The following ADAMTS2 variants were observed in gnomAD, a reference collection of about 807,000 sequenced individuals.
The protein encoded by ADAMTS2 is A disintegrin and metalloproteinase with thrombospondin motifs 2.
ADAMTS2 carries 50 observed loss-of-function variants against 123.0 expected under a neutral mutation model. That is an observed-to-expected ratio of 0.41 (90% CI 0.32 to 0.51). ADAMTS2 has a LOEUF of 0.51. Among genes scored for constraint, ADAMTS2 ranks in the 20% least tolerant of loss-of-function variants. ADAMTS2 has a pLI of 0.35. For synonymous variants in ADAMTS2, 678 were observed against 695.4 expected, an observed-to-expected ratio of 0.98 and a Z score of 0.39; for missense variants, 1,494 against 1,705.2, an observed-to-expected ratio of 0.88 and a Z score of 2.18.
At chr5:179,306,473 A>G (rs1029243649) in intron 2 of ADAMTS2, among the ~76,000 whole-genome samples, 1 of 152,242 alleles carries the variant, frequency 6.6e-6, no homozygotes, top group African/African-American at 2.4e-5. Flanking sequence ...CCTGGTAAGA[A>G]TATCTACAAA....
intron 2 of ADAMTS2, among the ~76,000 whole-genome samples, chr5:179,319,081 C>A (rs752515365): frequency 6.6e-5 from 10 of 152,194 alleles, no homozygotes; most frequent in Admixed American, 3.3e-4. Context: ...CATGCATGTG[C>A]ACTCATGCAC....
chr5:179,263,829 C>G (rs552886456), intron 3 of ADAMTS2, among the ~76,000 whole-genome samples: 1 of 152,374 alleles, frequency 6.6e-6, no homozygotes, highest in African/African-American at 2.4e-5. Flanking sequence ...ACTGCGCGAC[C>G]TTTCCCCGCT....
At chr5:179,223,647 TAC>T (rs1765198157) in intron 3 of ADAMTS2, among the ~76,000 whole-genome samples, 2 of 23,350 alleles carry the variant, frequency 8.6e-5, no homozygotes, top group African/African-American at 1.3e-4. Flanking sequence ...CACACACACA[TAC>T]ACTCACAGAC....
chr5:179,304,186 C>A (rs1390734044), intron 2 of ADAMTS2, among the ~76,000 whole-genome samples: 2 of 152,170 alleles, frequency 1.3e-5, no homozygotes, highest in African/African-American at 2.4e-5. Flanking sequence ...AGCCGGAACC[C>A]AATTAACCCA....
intron 10 of ADAMTS2, among the ~76,000 whole-genome samples, chr5:179,143,761 G>A (rs1197331861): frequency 6.6e-6 from 1 of 151,824 alleles, no homozygotes; most frequent in Non-Finnish European, 1.5e-5. Flanking sequence ...TGTGTGACAA[G>A]GAGCTTTTTG....
rs149318622 is a variant in ADAMTS2 at position 179,186,308 on chromosome 5, G to A, written c.892-5153C>T. Among the ~76,000 whole-genome samples the A allele has an allele frequency of 4.7e-3, 722 of 152,320 alleles. 4 individuals are homozygous for A. The Middle Eastern group carries it at 0.054, about 11-fold the overall frequency. On this transcript the variant is annotated intron_variant, in intron 4 of 21. Transcript: ENST00000251582. Reference sequence around the variant, plus strand: ...CTGCCCCTGCGTGTGCTATGGCAAAGTCCAACCCACAGTCCGGGGCCGGGC... The same window carrying A: ...CTGCCCCTGCGTGTGCTATGGCAAAATCCAACCCACAGTCCGGGGCCGGGC...
chr5:179,149,841 GGCTGA>G (rs1457094879), intron 10 of ADAMTS2, among the ~76,000 whole-genome samples: 2 of 152,182 alleles, frequency 1.3e-5, no homozygotes, highest in African/African-American at 4.8e-5. Flanking sequence ...AACCAGGGGA[GGCTGA>G]GCAGAGCCCC....
chr5:179,285,346 C>T lies in ADAMTS2; in HGVS notation c.535-12282G>A, dbSNP rs413912. Among the ~76,000 whole-genome samples the T allele has an allele frequency of 1.3e-5, 2 of 152,132 alleles. No homozygotes were observed. The highest frequency in any genetic ancestry group is 6.5e-5 in the Admixed American group (1 of 15,276). ...GGGGAAAATGGAATAAACAAGATGC[C>T]GACAAGAATGCCTCACGGGGCCAGC... is the stretch of plus-strand genomic sequence containing the variant. On this transcript the variant is annotated intron_variant, in intron 2 of 21. Transcript: ENST00000251582. The surrounding 1 kb of genome is among the most constrained non-coding windows in gnomAD (Gnocchi z 4.9).
At chr5:179,286,464 C>A (rs1756024589) in intron 2 of ADAMTS2, among the ~76,000 whole-genome samples, 1 of 152,118 alleles carries the variant, frequency 6.6e-6, no homozygotes, top group Non-Finnish European at 1.5e-5. Flanking sequence ...GCTGGGGTGG[C>A]AGGGGCACAT....
chr5:179,216,871 G>A (rs548840860), intron 3 of ADAMTS2, among the ~76,000 whole-genome samples: 53 of 152,386 alleles, frequency 3.5e-4, no homozygotes, highest in Non-Finnish European at 6.5e-4. Flanking sequence ...AGGTGGAGCA[G>A]GAGGGGACAA....
intron 21 of ADAMTS2, among the ~76,000 whole-genome samples, chr5:179,119,354 C>T (rs773542067): frequency 6.6e-6 from 1 of 152,250 alleles, no homozygotes; most frequent in Non-Finnish European, 1.5e-5. Context: ...CCCCATGACA[C>T]TGGGCTGCTC....
In ADAMTS2 at chr5:179,317,511, G is replaced by A. The variant is rs1016462647; in HGVS notation, c.534+26256C>T. Among the ~76,000 whole-genome samples the A allele has an allele frequency of 3.3e-5, 5 of 152,120 alleles. No homozygotes were observed. The highest frequency in any genetic ancestry group is 7.2e-5 in the African/African-American group (3 of 41,410). On this transcript the variant is annotated intron_variant, in intron 2 of 21. Transcript: ENST00000251582. The surrounding 1 kb of genome is among the most constrained non-coding windows in gnomAD (Gnocchi z 4.9). ...GCACTCATGAGACTTCTATAAGCAC[G>A]GACCCAGAGGCCATCCCAGCGACAC... is the stretch of plus-strand genomic sequence containing the variant.
At chr5:179,222,778 T>TC (rs2113409080) in intron 3 of ADAMTS2, among the ~76,000 whole-genome samples, 1 of 152,180 alleles carries the variant, frequency 6.6e-6, no homozygotes, top group South Asian at 2.1e-4. Flanking sequence ...GTGGCTGCCA[T>TC]CACAGCATTG....
intron 4 of ADAMTS2, among the ~76,000 whole-genome samples, chr5:179,204,268 C>A (rs1174332408): frequency 6.6e-6 from 1 of 152,124 alleles, no homozygotes; most frequent in African/African-American, 2.4e-5. Flanking sequence ...ACGGTGGTGG[C>A]GATGGTGGCC....
At chr5:179,300,897 C>T (rs1015826881) in intron 2 of ADAMTS2, among the ~76,000 whole-genome samples, 6 of 152,192 alleles carry the variant, frequency 3.9e-5, no homozygotes, top group Admixed American at 1.3e-4. Flanking sequence ...TCTTCATCTA[C>T]GCGGAGCCAG....
chr5:179,128,090 G>A lies in ADAMTS2; in HGVS notation c.2486C>T (p.Ser829Leu), dbSNP rs1226951327. ...LVIPVGDTRV[S>L]LTYKYMIHED... ...ATGGATCATGTATTTGTACGTCAGT[G>A]AGACCCGGGTGTCTCCCACCGGGAT... Residue 829 changes from serine (S) to leucine (L), a missense_variant, in exon 17 of 22, where the codon TCA becomes TTA. Transcript: ENST00000251582. This position sits in a 1 kb window ranked among gnomAD's most constrained non-coding sequence, Gnocchi z 4.9. 3 of 1,613,626 alleles carry A rather than the reference G, an allele frequency of 1.9e-6. No homozygotes were observed. The highest frequency in any genetic ancestry group is 2.2e-5 in the East Asian group (1 of 44,866).
In ADAMTS2 at chr5:179,242,684, G is replaced by C. The variant is rs558697992; in HGVS notation, c.688+30227C>G. 2.0e-5 allele frequency among the ~76,000 whole-genome samples: 3 copies of C among 152,276 alleles called. No individual in the cohort carries two copies. Among genetic ancestry groups the C allele is most frequent in the African/African-American group, 7.2e-5 (3 of 41,550 alleles). ...ACTTGCTCTCTCTTCCCCGCTTCTA[G>C]TCCTTCCAGTTCAGCTTATGGGGAG... On this transcript the variant is annotated intron_variant, in intron 3 of 21. Transcript: ENST00000251582. This position sits in a 1 kb window ranked among gnomAD's most constrained non-coding sequence, Gnocchi z 4.2.
At chr5:179,216,764 T>A (rs1764993610) in intron 3 of ADAMTS2, among the ~76,000 whole-genome samples, 1 of 152,280 alleles carries the variant, frequency 6.6e-6, no homozygotes, top group African/African-American at 2.4e-5. Flanking sequence ...GTCTTTGATA[T>A]TCATTTGCAT....
chr5:179,204,825 G>A (rs915990153), intron 4 of ADAMTS2, among the ~76,000 whole-genome samples: 12 of 152,120 alleles, frequency 7.9e-5, no homozygotes, highest in Admixed American at 7.9e-4. Flanking sequence ...CCCACGCCCC[G>A]GGACTCTCTG....
Sources: allele counts gnomAD v4.1 joint callset (sites outside exome capture counted in the v4.1 genomes callset), GRCh38; gene constraint gnomAD v4.1.1; non-coding constraint Gnocchi (gnomAD v3.1); transcripts MANE v1.5; gene names NCBI Gene and HGNC (gene_info 2026-07-23, HGNC 2026-07-21).